NUP210L: variants seen among roughly 807,000 people sequenced by gnomAD.
NUP210L encodes the protein nuclear pore membrane glycoprotein 210-like.
Under a neutral mutation model 208.5 loss-of-function variants are expected in NUP210L, and 74 were observed. That is an observed-to-expected ratio of 0.35 (90% CI 0.29 to 0.43). The LOEUF (loss-of-function observed/expected upper bound fraction) is 0.43, where lower values mean the gene tolerates loss of function less well. NUP210L is among the 20% of genes least tolerant of loss of function. The pLI is 1.00. For missense variants in NUP210L, 1,843 were observed against 2,289.4 expected, an observed-to-expected ratio of 0.81 and a Z score of 3.98; for synonymous variants, 780 against 816.9, an observed-to-expected ratio of 0.95 and a Z score of 0.77.
rs200689796 is a variant in NUP210L at position 154,058,572 on chromosome 1, A to G, written c.2972T>C (p.Ile991Thr). 1.9e-4 allele frequency: 301 copies of G among 1,611,706 alleles called. No individual in the cohort carries two copies. Among genetic ancestry groups the G allele is most frequent in the Non-Finnish European group, 2.4e-4 (282 of 1,179,320 alleles). Residue 991 changes from isoleucine to threonine, a missense_variant, in exon 21 of 40, where the codon ATT becomes ACT. By Grantham distance (89) the Ile-to-Thr change is moderately conservative (BLOSUM62 -1). Coordinates refer to ENST00000368559, the Ensembl canonical transcript of NUP210L. ...AAAACAAACATGTCTCACCTTATCA[A>G]TCAGATCAAGCTCCAGCTCTTGTAT...
chr1:154,000,531 C>G (rs893019895), intron 37 of NUP210L, among the ~76,000 whole-genome samples: 1 of 152,184 alleles, frequency 6.6e-6, no homozygotes, highest in Non-Finnish European at 1.5e-5. Flanking sequence ...AAGCACTGCA[C>G]TGTGATACCT....
chr1:154,052,267 C>T (rs536538049), intron 25 of NUP210L, among the ~76,000 whole-genome samples: 4 of 152,228 alleles, frequency 2.6e-5, no homozygotes, highest in East Asian at 1.9e-4. Context: ...AATCAACAGC[C>T]GATTTGGATA....
intron 2 of NUP210L, among the ~76,000 whole-genome samples, chr1:154,147,020 A>T (rs1033321658): frequency 6.6e-6 from 1 of 152,112 alleles, no homozygotes; most frequent in Non-Finnish European, 1.5e-5. Flanking sequence ...TTGTAGAGAC[A>T]GGGTCTCACT....
At chr1:153,997,253 C>T (rs551445740) in intron 37 of NUP210L, among the ~76,000 whole-genome samples, 10 of 143,004 alleles carry the variant, frequency 7.0e-5, no homozygotes, top group Non-Finnish European at 1.2e-4. Context: ...CATGAGCCAT[C>T]GCGCTGGCCT....
intron 33 of NUP210L, among the ~76,000 whole-genome samples, chr1:154,013,672 A>G (rs1019408662): frequency 6.6e-6 from 1 of 152,172 alleles, no homozygotes; most frequent in African/African-American, 2.4e-5. Context: ...CTCTAGTTGC[A>G]CATAATCTCA....
At chr1:154,140,089 G>C in intron 4 of NUP210L, 137 bp from the exon 5 acceptor site, 3 of 681,510 alleles carry the variant, frequency 4.4e-6, no homozygotes, top group Non-Finnish European at 7.3e-6. Flanking sequence ...GGTAGCTCAC[G>C]CCTGTAATCC....
intron 10 of NUP210L, among the ~76,000 whole-genome samples, chr1:154,124,329 T>C (rs1657774910): frequency 1.3e-5 from 2 of 150,950 alleles, no homozygotes; most frequent in Admixed American, 1.3e-4. Flanking sequence ...GAGTCAAGGG[T>C]GACTTCGGAT....
At chr1:154,025,761 T>C in intron 29 of NUP210L, 45 bp from the exon 30 acceptor site, 1 of 1,547,538 alleles carries the variant, frequency 6.5e-7, no homozygotes, top group Non-Finnish European at 8.8e-7. Context: ...GGGTCCTGTC[T>C]GACCAGAGAG....
At chr1:154,009,202 C>A (rs778814656) in intron 35 of NUP210L, among the ~76,000 whole-genome samples, 1 of 152,056 alleles carries the variant, frequency 6.6e-6, no homozygotes, top group Non-Finnish European at 1.5e-5. Flanking sequence ...TGAGCCACTG[C>A]GCCTGGCCCT....
chr1:154,046,251 T>A (rs750389784), intron 26 of NUP210L, 38 bp downstream of exon 26: 2 of 1,614,050 alleles, frequency 1.2e-6, no homozygotes, highest in East Asian at 4.5e-5. Context: ...GTTGCAATTA[T>A]CAGAATAATG....
intron 16 of NUP210L, among the ~76,000 whole-genome samples, chr1:154,081,393 T>C (rs1196756715): frequency 6.6e-6 from 1 of 152,224 alleles, no homozygotes; most frequent in African/African-American, 2.4e-5. Context: ...TGTCCTCAGT[T>C]CCTGGGAGGT....
chr1:154,118,672 T>C, exon 11 of NUP210L: 1 of 1,584,408 alleles, frequency 6.3e-7, no homozygotes, highest in South Asian at 1.2e-5. Context: ...ACACCATACC[T>C]GTACTTTATA....
rs890407369 is a variant in NUP210L, at chr1:154,139,956, A to C, written c.567-4T>G. The C allele has an allele frequency of 6.2e-7, 1 of 1,600,336 alleles. No homozygotes were observed. The highest frequency in any genetic ancestry group is 1.3e-5 in the African/African-American group (1 of 74,346). On this transcript the variant is annotated splice_polypyrimidine_tract_variant and splice_region_variant and intron_variant, in intron 4 of 39. Coordinates refer to ENST00000368559, the Ensembl canonical transcript of NUP210L. ...TGCTTCGGAGTATTTAAGAATCCTA[A>C]AGACATAAAATAAAATGTGTTTCTA... is the stretch of plus-strand genomic sequence containing the variant.
At chr1:154,124,623 T>C (rs1203658407) in intron 10 of NUP210L, among the ~76,000 whole-genome samples, 2 of 152,188 alleles carry the variant, frequency 1.3e-5, no homozygotes, top group African/African-American at 4.8e-5. Flanking sequence ...GGTAAATAAA[T>C]TGGCATATGA....
chr1:154,038,276 G>T (rs1652670215), intron 27 of NUP210L, among the ~76,000 whole-genome samples: 1 of 150,876 alleles, frequency 6.6e-6, no homozygotes, highest in Admixed American at 6.6e-5. Flanking sequence ...GGGACTAGAA[G>T]TGCACACCAC....
At chr1:153,993,178 A>T in intron 38 of NUP210L, 89 bp from the exon 39 acceptor site, 1 of 817,636 alleles carries the variant, frequency 1.2e-6, no homozygotes, top group East Asian at 2.7e-5. Flanking sequence ...ATTGCTAAAA[A>T]TAATTCTTAA....
At chr1:153,997,276 T>TA (rs1366937051) in intron 37 of NUP210L, among the ~76,000 whole-genome samples, 2 of 146,956 alleles carry the variant, frequency 1.4e-5, no homozygotes, top group Non-Finnish European at 3.0e-5. Context: ...TTTTTTTTTT[T>TA]AACACCTGAA....
intron 21 of NUP210L, 96 bp downstream of exon 21, chr1:154,058,469 T>C: frequency 7.2e-7 from 1 of 1,384,950 alleles, no homozygotes; most frequent in Non-Finnish European, 9.9e-7. Context: ...AGTCCTGGTA[T>C]ACACACACAG....
In NUP210L at chr1:153,995,222, A is replaced by G. The variant is rs769506595; in HGVS notation, c.5387-42T>C. 8 of 1,342,852 alleles carry G rather than the reference A, an allele frequency of 6.0e-6. No homozygotes were observed. The East Asian group carries it at 1.8e-4, about 31-fold the overall frequency. The allele number at this position is 1,342,852 out of a possible 1,614,324, so 83.2% of individuals were successfully genotyped here. On this transcript the variant is annotated intron_variant, in intron 37 of 39. Coordinates refer to ENST00000368559, the Ensembl canonical transcript of NUP210L. ...ACAAAACAAGATAATAGTTAATAGCAACCATGGGCAGATGCTGCATTTTTT... is the reference window on the plus strand; with the variant it reads ...ACAAAACAAGATAATAGTTAATAGCGACCATGGGCAGATGCTGCATTTTTT...
Sources: gnomAD v4.1 joint callset for allele counts (sites outside exome capture counted in the v4.1 genomes callset) on GRCh38, gnomAD v4.1.1 for gene constraint, MANE v1.5 for transcripts, NCBI Gene and HGNC (gene_info 2026-07-23, HGNC 2026-07-21) for gene names.